TG: variants seen among roughly 807,000 people sequenced by gnomAD.
The protein encoded by TG is thyroglobulin.
A neutral mutation model predicts 324.7 loss-of-function variants in TG; 270 were observed. The observed-to-expected ratio is 0.83, with a 90% CI of 0.75 to 0.92. The LOEUF (loss-of-function observed/expected upper bound fraction) is 0.92. Among genes scored for constraint, TG ranks in the 40% least tolerant of loss-of-function variants. The probability of loss-of-function intolerance (pLI) is 0.00; values close to 1 mark genes in which losing one functional copy is unlikely to be tolerated. For missense variants in TG, 3,591 were observed against 3,456.4 expected (o/e 1.04, Z -0.98); for synonymous variants, 1,401 against 1,327.0 (o/e 1.06, Z -1.21).
At chr8:132,964,273 C>T (rs1158410612) in intron 29 of TG, among the ~76,000 whole-genome samples, 5 of 152,100 alleles carry the variant, frequency 3.3e-5, no homozygotes, top group Admixed American at 3.3e-4. Flanking sequence ...CTGCTTTCTT[C>T]CCTCTCCCCT....
At chr8:132,911,968 T>G (rs1819598446) in intron 19 of TG, among the ~76,000 whole-genome samples, 1 of 152,164 alleles carries the variant, frequency 6.6e-6, no homozygotes, top group African/African-American at 2.4e-5. Flanking sequence ...AAGAATGGAT[T>G]TTATGATACC....
intron 41 of TG, among the ~76,000 whole-genome samples, chr8:133,071,354 C>T (rs1387461168): frequency 1.3e-5 from 2 of 152,188 alleles, no homozygotes; most frequent in African/African-American, 4.8e-5. Context: ...GGAATCCAGG[C>T]ATCTGGCTCT....
At chr8:133,102,873 G>A (rs567083881) in intron 43 of TG, 7 of 335,656 alleles carry the variant, frequency 2.1e-5, no homozygotes, top group South Asian at 8.4e-5. Flanking sequence ...AGTTGGCCTC[G>A]TCTGGGAGCA....
chr8:132,903,300 GA>G (rs1818191196), intron 16 of TG, among the ~76,000 whole-genome samples: 1 of 152,246 alleles, frequency 6.6e-6, no homozygotes, highest in Non-Finnish European at 1.5e-5. Context: ...CGGTTGGGTA[GA>G]TGCTCACTTG....
chr8:133,091,139 T>G (rs1847448502), intron 41 of TG, among the ~76,000 whole-genome samples: 1 of 152,260 alleles, frequency 6.6e-6, no homozygotes, highest in Non-Finnish European at 1.5e-5. Context: ...GCACACAGGA[T>G]GTGCTACTTG....
At chr8:133,118,320 C>CTTTTTTTTTTTTT (rs34171048) in intron 45 of TG, among the ~76,000 whole-genome samples, 3 of 88,972 alleles carry the variant, frequency 3.4e-5, no homozygotes, top group Admixed American at 1.4e-4. Flanking sequence ...CAGATTCTTC[C>CTTTTTTTTTTTTT]TTTTTTTTTT....
At chr8:133,037,208 C>G (rs1837259611) in intron 41 of TG, 1 of 152,210 alleles carries the variant, frequency 6.6e-6, no homozygotes, top group Non-Finnish European at 1.5e-5. Flanking sequence ...ACAGATTCAT[C>G]TGCAGCCCAC....
At position 132,911,455 on chromosome 8, in the gene TG, C is replaced by T. The variant is rs140517359; in HGVS notation, c.4081C>T (p.Arg1361Cys). 2.0e-5 allele frequency: 32 copies of T among 1,613,998 alleles called. No individual in the cohort carries two copies. The highest frequency in any genetic ancestry group is 8.3e-5 in the Admixed American group (5 of 60,000). ...GCAGGTGGGTTGTCTGACCAGGGAG[C>T]GTTTAGGAGTGAATGTTACATGGAA... Reference protein sequence around the residue: ...SVQVGCLTRERLGVNVTWKSR... With the variant: ...SVQVGCLTRECLGVNVTWKSR... Residue 1361 changes from arginine to cysteine, a missense_variant, in exon 19 of 48, where the codon CGT becomes TGT. Arg to Cys is a radical substitution (Grantham distance 180). Transcript: ENST00000220616.
intron 23 of TG, among the ~76,000 whole-genome samples, chr8:132,930,256 G>T (rs924828318): frequency 6.6e-6 from 1 of 152,354 alleles, no homozygotes; most frequent in African/African-American, 2.4e-5. Flanking sequence ...ACAGAACCAA[G>T]TGGTCAAATG....
chr8:133,134,734 T>A lies in TG; in HGVS notation c.8247T>A (p.Ser2749=). ...AAGAGGAGGAGTTGACGGCTGGATC[T>A]GGGCTAAGAGAAGATCTCCTAAGCC... ...ESEEEELTAG[S]GLREDLLSLQ... The change falls in exon 48 of 48, where the codon TCT becomes TCA. Residue 2749 remains serine, a synonymous_variant. Transcript: ENST00000220616. 6.2e-7 allele frequency: 1 copy of A among 1,614,152 alleles called. No homozygotes were observed. Among genetic ancestry groups the A allele is most frequent in the Non-Finnish European group, 8.5e-7 (1 of 1,180,016 alleles).
intron 45 of TG, among the ~76,000 whole-genome samples, chr8:133,119,422 G>A (rs996269457): frequency 6.6e-6 from 1 of 152,154 alleles, no homozygotes; most frequent in African/African-American, 2.4e-5. Context: ...TATAAACAAC[G>A]TAAACTTATT....
In TG at chr8:132,895,647, C is replaced by A. The variant is rs1816985701; in HGVS notation, c.3001+1718C>A. Among the ~76,000 whole-genome samples, 3 of 152,328 alleles carry A rather than the reference C, an allele frequency of 2.0e-5. No homozygotes were observed. The South Asian group carries it at 6.2e-4, about 32-fold the overall frequency. On this transcript the variant is annotated intron_variant, in intron 11 of 47. Transcript: ENST00000220616. ...ACTACCCTCACCCTATGCCTAGGCACTGCTTTTCTCTGTTCCTCAGAGACT... is the reference window on the plus strand; with the variant it reads ...ACTACCCTCACCCTATGCCTAGGCAATGCTTTTCTCTGTTCCTCAGAGACT...
intron 27 of TG, among the ~76,000 whole-genome samples, chr8:132,956,217 G>A (rs1421721289): frequency 2.0e-5 from 3 of 152,178 alleles, no homozygotes; most frequent in Admixed American, 6.5e-5. Context: ...GGAAGGCAAT[G>A]TTCTGTGTTT....
chr8:133,013,561 C>T (rs746101250), intron 36 of TG, 39 bp from the exon 37 acceptor site: 54 of 1,612,764 alleles, frequency 3.3e-5, no homozygotes, highest in Middle Eastern at 1.6e-4. Flanking sequence ...AGTAACATCT[C>T]TGAGGCCCAA....
In TG at chr8:132,933,776, T is replaced by C. The variant is rs537011216; in HGVS notation, c.4932+100T>C. ...AGGCTGGCCAGGCGATGGAATGAGG[T>C]TGTCGAGAGCTGATCCTCTGTTACC... On this transcript the variant is annotated intron_variant, in intron 24 of 47. Coordinates refer to ENST00000220616, the MANE Select transcript of TG (RefSeq NM_003235.5). 234 of 1,064,572 alleles carry C rather than the reference T, an allele frequency of 2.2e-4. 2 individuals are homozygous for C. In the East Asian group the frequency reaches 5.5e-3, roughly 25 times the overall value. The allele number at this position is 1,064,572 out of a possible 1,614,324, so 65.9% of individuals were successfully genotyped here. A position where few individuals can be genotyped will look rare whatever the true frequency, so the allele number is the denominator to read the frequency against.
At chr8:132,944,577 G>T (rs930877231) in intron 26 of TG, among the ~76,000 whole-genome samples, 12 of 152,230 alleles carry the variant, frequency 7.9e-5, no homozygotes, top group African/African-American at 2.9e-4. Context: ...AAGTGGGGAA[G>T]TGACCTGCCA....
At chr8:132,900,751 G>A (rs945603529) in intron 15 of TG, among the ~76,000 whole-genome samples, 2 of 152,120 alleles carry the variant, frequency 1.3e-5, no homozygotes, top group African/African-American at 4.8e-5. Flanking sequence ...CATCATCTTC[G>A]GGGCCGTGCT....
At chr8:132,974,892 A>T (rs1279415655) in intron 34 of TG, among the ~76,000 whole-genome samples, 1 of 152,122 alleles carries the variant, frequency 6.6e-6, no homozygotes, top group Non-Finnish European at 1.5e-5. Context: ...TCTGGAGTTA[A>T]TTATTACCAG....
chr8:132,999,287 C>T (rs1226702761), intron 35 of TG, among the ~76,000 whole-genome samples: 1 of 151,610 alleles, frequency 6.6e-6, no homozygotes, highest in Non-Finnish European at 1.5e-5. Flanking sequence ...ATGTGGTTGC[C>T]ACCCTTTCAT....
Sources: allele counts gnomAD v4.1 joint callset (sites outside exome capture counted in the v4.1 genomes callset), GRCh38; gene constraint gnomAD v4.1.1; transcripts MANE v1.5; gene names NCBI Gene and HGNC (gene_info 2026-07-23, HGNC 2026-07-21).